Variants in GRIK2 observed in about 807,000 individuals in gnomAD.
GRIK2 encodes the protein glutamate receptor ionotropic, kainate 2.
A neutral mutation model predicts 100.3 loss-of-function variants in GRIK2; 32 were observed. That is an observed-to-expected ratio of 0.32 (90% CI 0.24 to 0.43). The LOEUF (loss-of-function observed/expected upper bound fraction) is 0.43, where lower values mean the gene tolerates loss of function less well. GRIK2 is among the 20% of genes least tolerant of loss of function. GRIK2 has a pLI of 1.00. For missense variants in GRIK2, 843 were observed against 1,114.9 expected (o/e 0.76, Z 3.47); for synonymous variants, 417 against 389.4 (o/e 1.07, Z -0.83).
rs374671228 is a variant in GRIK2, at chr6:101,932,468, T to C, written c.2085+3836T>C. ...CCAACCTAATTGGTTATATTCTCTTTATTCCTTAGATTCTAATCTATACAT... is the reference window on the plus strand; with the variant it reads ...CCAACCTAATTGGTTATATTCTCTTCATTCCTTAGATTCTAATCTATACAT... On this transcript the variant is annotated intron_variant, in intron 14 of 16. Transcript: ENST00000369134. Among the ~76,000 whole-genome samples the C allele has an allele frequency of 2.6e-5, 4 of 152,096 alleles. No individual in the cohort carries two copies. In the East Asian group the frequency reaches 5.8e-4, roughly 22 times the overall value.
intron 2 of GRIK2, among the ~76,000 whole-genome samples, chr6:101,517,062 A>T (rs1011768865): frequency 2.6e-5 from 4 of 152,108 alleles, no homozygotes; most frequent in African/African-American, 9.7e-5. Flanking sequence ...CTCTGCTCTA[A>T]TTGAATACAT....
chr6:101,473,798 G>A (rs2128257445), intron 2 of GRIK2, among the ~76,000 whole-genome samples: 1 of 151,872 alleles, frequency 6.6e-6, no homozygotes, highest in African/African-American at 2.4e-5. Flanking sequence ...TAGCTTTGAG[G>A]AGTAGATGTG....
chr6:101,848,414 G>A (rs1452070852), intron 10 of GRIK2, among the ~76,000 whole-genome samples: 3 of 151,972 alleles, frequency 2.0e-5, no homozygotes, highest in Admixed American at 1.3e-4. Flanking sequence ...TTACTATTTG[G>A]TCTTTAAAGG....
intron 2 of GRIK2, among the ~76,000 whole-genome samples, chr6:101,566,801 A>G (rs1582731299): frequency 6.7e-6 from 1 of 149,820 alleles, no homozygotes; most frequent in South Asian, 2.1e-4. Context: ...TATAATATAA[A>G]TGTCTATTAT....
At chr6:101,884,270 G>T (rs527503940) in intron 11 of GRIK2, among the ~76,000 whole-genome samples, 2 of 151,990 alleles carry the variant, frequency 1.3e-5, no homozygotes, top group African/African-American at 2.4e-5. Context: ...CAATTTATTC[G>T]TATGAACTTA....
At chr6:101,497,580 A>C (rs370926860) in intron 2 of GRIK2, among the ~76,000 whole-genome samples, 131 of 152,286 alleles carry the variant, frequency 8.6e-4, no homozygotes, top group African/African-American at 3.1e-3. Context: ...AGCTGAAAAA[A>C]AATGCTGAAC....
chr6:101,967,751 C>T (rs1228504780), intron 14 of GRIK2, among the ~76,000 whole-genome samples: 3 of 152,108 alleles, frequency 2.0e-5, no homozygotes, highest in Admixed American at 2.0e-4. Flanking sequence ...AAACCAGAAT[C>T]TCATTCATGT....
At chr6:101,793,758 G>T (rs540834062) in intron 7 of GRIK2, among the ~76,000 whole-genome samples, 3,836 of 152,202 alleles carry the variant, frequency 0.025, 167 homozygotes, top group African/African-American at 0.087. Flanking sequence ...CAGGGACATT[G>T]AAGTCTGCAG....
intron 4 of GRIK2, among the ~76,000 whole-genome samples, chr6:101,662,906 G>T (rs986659818): frequency 2.6e-5 from 4 of 152,046 alleles, no homozygotes; most frequent in African/African-American, 9.7e-5. Flanking sequence ...GTGCTGTCAT[G>T]TATTCCTGAT....
At chr6:102,048,091 A>G (rs896046472) in intron 15 of GRIK2, among the ~76,000 whole-genome samples, 5 of 151,282 alleles carry the variant, frequency 3.3e-5, no homozygotes, top group Non-Finnish European at 7.4e-5. Context: ...TGTCAAAACT[A>G]TCAAGAACAC....
At chr6:101,795,775 G>T (rs999851367) in intron 7 of GRIK2, among the ~76,000 whole-genome samples, 4 of 152,296 alleles carry the variant, frequency 2.6e-5, no homozygotes, top group Non-Finnish European at 5.9e-5. Flanking sequence ...TTGGGTACTT[G>T]GGGGATAGTG....
At chr6:101,740,772 A>C (rs564446869) in intron 7 of GRIK2, among the ~76,000 whole-genome samples, 1 of 152,286 alleles carries the variant, frequency 6.6e-6, no homozygotes, top group East Asian at 1.9e-4. Context: ...CTGGCAAGAA[A>C]GGAAGCAAGA....
chr6:101,420,258 G>C (rs966086015), intron 2 of GRIK2, among the ~76,000 whole-genome samples: 1 of 152,148 alleles, frequency 6.6e-6, no homozygotes, highest in African/African-American at 2.4e-5. Flanking sequence ...AGGTCAGTCT[G>C]GCTCCTGAGC....
intron 2 of GRIK2, among the ~76,000 whole-genome samples, chr6:101,439,476 G>A (rs1484534348): frequency 1.3e-5 from 2 of 151,968 alleles, no homozygotes; most frequent in Non-Finnish European, 1.5e-5. Flanking sequence ...TCTATCCCCA[G>A]TCTTATCTTT....
chr6:102,062,571 G>A (rs144342573), intron 16 of GRIK2, among the ~76,000 whole-genome samples: 25 of 150,694 alleles, frequency 1.7e-4, no homozygotes, highest in Admixed American at 6.0e-4. Context: ...AATAGCTTAT[G>A]TAAATAATAA....
intron 14 of GRIK2, among the ~76,000 whole-genome samples, chr6:102,024,149 AT>A (rs1430100159): frequency 1.3e-5 from 2 of 150,806 alleles, no homozygotes; most frequent in African/African-American, 4.8e-5. Flanking sequence ...ATGATTTTGA[AT>A]GACTGACAAG....
chr6:101,610,211 G>T (rs1455604961), intron 2 of GRIK2, among the ~76,000 whole-genome samples: 2 of 151,378 alleles, frequency 1.3e-5, no homozygotes, highest in Non-Finnish European at 3.0e-5. Flanking sequence ...AAGAAGAAAT[G>T]AAGGACCTAT....
At chr6:101,913,586 A>G (rs1232325042) in intron 12 of GRIK2, among the ~76,000 whole-genome samples, 1 of 151,558 alleles carries the variant, frequency 6.6e-6, no homozygotes, top group Non-Finnish European at 1.5e-5. Flanking sequence ...ATGGGCAATA[A>G]TGAAGTGAGC....
chr6:101,739,046 G>A (rs1014792200), intron 7 of GRIK2, among the ~76,000 whole-genome samples: 3 of 152,234 alleles, frequency 2.0e-5, no homozygotes, highest in Middle Eastern at 3.4e-3. Context: ...CTCTAAACCT[G>A]TCTATGGAAT....
Sources: gnomAD v4.1 joint callset for allele counts (sites outside exome capture counted in the v4.1 genomes callset) on GRCh38, gnomAD v4.1.1 for gene constraint, MANE v1.5 for transcripts, NCBI Gene and HGNC (gene_info 2026-07-23, HGNC 2026-07-21) for gene names.